Variants in ZNF567 observed in about 807,000 individuals in gnomAD.
ZNF567 encodes the protein zinc finger protein 567.
Under a neutral mutation model 53.9 loss-of-function variants are expected in ZNF567, and 36 were observed. That is an observed-to-expected ratio of 0.67 (90% CI 0.51 to 0.88). ZNF567 has a LOEUF of 0.88. Ranked by LOEUF, ZNF567 falls within the 40% of genes least tolerant of loss-of-function variation. ZNF567 has a pLI of 0.00. For missense variants in ZNF567, 619 were observed against 764.7 expected (o/e 0.81, Z 2.25); for synonymous variants, 224 against 260.4 (o/e 0.86, Z 1.35).
chr19:36,712,980 G>C (rs910096799), intron 5 of ZNF567, 113 bp downstream of exon 5: 1 of 832,252 alleles, frequency 1.2e-6, no homozygotes, highest in African/African-American at 1.7e-5. Flanking sequence ...AAAGGCTCTT[G>C]ACCTCTGAAA....
chr19:36,726,943 G>A (rs1260310830), downstream of ZNF567: 1 of 98,218 alleles, frequency 1.0e-5, no homozygotes, highest in East Asian at 3.9e-4. Flanking sequence ...TGAGTGGAGT[G>A]GCATCAGGTG....
At chr19:36,697,894 A>G (rs1472690249) in intron 3 of ZNF567, among the ~76,000 whole-genome samples, 1 of 148,554 alleles carries the variant, frequency 6.7e-6, no homozygotes, top group Non-Finnish European at 1.5e-5. Flanking sequence ...TACAGGTGTG[A>G]GCCACCATGT....
chr19:36,700,908 T>G (rs1452918668), intron 3 of ZNF567, among the ~76,000 whole-genome samples: 13 of 152,096 alleles, frequency 8.5e-5, no homozygotes, highest in Middle Eastern at 3.4e-3. Flanking sequence ...AGGGTTTTTT[T>G]TGTCTCTATT....
downstream of ZNF567, among the ~76,000 whole-genome samples, chr19:36,721,650 A>C (rs148961828): frequency 2.0e-3 from 304 of 152,142 alleles, no homozygotes; most frequent in African/African-American, 6.9e-3. Flanking sequence ...CACCTTATTT[A>C]ATATCAAGGA....
At chr19:36,698,323 ATTG>A (rs1303807150) in intron 3 of ZNF567, among the ~76,000 whole-genome samples, 1 of 151,660 alleles carries the variant, frequency 6.6e-6, no homozygotes, top group Non-Finnish European at 1.5e-5. Flanking sequence ...CCAGTCTATC[ATTG>A]TTGGACATTT....
chr19:36,682,614 T>G (rs1485965825), upstream of ZNF567, among the ~76,000 whole-genome samples: 84 of 140,782 alleles, frequency 6.0e-4, no homozygotes, highest in African/African-American at 2.2e-3. Context: ...ATTATTATTA[T>G]TTTTTTTTTT....
chr19:36,697,590 G>A (rs954050248), intron 3 of ZNF567, among the ~76,000 whole-genome samples: 1 of 151,336 alleles, frequency 6.6e-6, no homozygotes, highest in Non-Finnish European at 1.5e-5. Flanking sequence ...TTTGATATTA[G>A]CTATAGGATT....
intron 3 of ZNF567, among the ~76,000 whole-genome samples, chr19:36,708,767 C>T (rs2039626859): frequency 6.6e-6 from 1 of 152,162 alleles, no homozygotes; most frequent in Admixed American, 6.5e-5. Flanking sequence ...TCATTCACTT[C>T]GTAATATGCA....
chr19:36,702,864 G>A (rs2039279770), intron 3 of ZNF567, among the ~76,000 whole-genome samples: 1 of 152,060 alleles, frequency 6.6e-6, no homozygotes, highest in South Asian at 2.1e-4. Flanking sequence ...TTTGCCTTTG[G>A]TTTGAATTTC....
At chr19:36,706,603 AT>A (rs1327925788) in intron 3 of ZNF567, among the ~76,000 whole-genome samples, 4 of 148,820 alleles carry the variant, frequency 2.7e-5, no homozygotes, top group African/African-American at 9.9e-5. Flanking sequence ...CTACACCTGA[AT>A]TTTAGAGGGG....
chr19:36,689,338 TG>T (rs2038473244), intron 1 of ZNF567, 58 bp from the exon 2 acceptor site: 1 of 151,420 alleles, frequency 6.6e-6, no homozygotes, highest in African/African-American at 2.4e-5. Context: ...AAAGGATACA[TG>T]ATTAGTTTCT....
Position 36,719,357 on chromosome 19 carries a change from A to G in ZNF567, c.633A>G (p.Gly211=), listed in dbSNP as rs759591239. ...CGGAAACTCCAGCACAGTCATTTGG[A>G]TATAATGACTGTGAGAAATCATTCC... ...QKTETPAQSF[G]YNDCEKSFLQ... The change falls in exon 6 of 6, where the codon GGA becomes GGG. Residue 211 remains glycine (G), a synonymous_variant. Coordinates refer to ENST00000682579, the MANE Select transcript of ZNF567 (RefSeq NM_001322917.1). 9.9e-6 allele frequency: 16 copies of G among 1,613,810 alleles called. No homozygotes were observed. The highest frequency in any genetic ancestry group is 1.3e-5 in the African/African-American group (1 of 74,924).
chr19:36,698,651 T>C (rs562060645), intron 3 of ZNF567, among the ~76,000 whole-genome samples: 1 of 151,640 alleles, frequency 6.6e-6, no homozygotes, highest in East Asian at 1.9e-4. Flanking sequence ...ATTGTGGTTT[T>C]GATTTGCATT....
In ZNF567 at chr19:36,720,698, C is replaced by T; in HGVS notation, c.*30C>T. The T allele has an allele frequency of 1.3e-6, 2 of 1,498,382 alleles. No individual in the cohort carries two copies. The highest frequency in any genetic ancestry group is 8.9e-7 in the Non-Finnish European group (1 of 1,125,814). The allele number at this position is 1,498,382 out of a possible 1,614,324, so 92.8% of individuals were successfully genotyped here. On this transcript the variant is annotated 3_prime_UTR_variant, in exon 6 of 6. Coordinates refer to ENST00000682579, the MANE Select transcript of ZNF567 (RefSeq NM_001322917.1). ...TGTGGTTTCTTATATGAATTCTTTA[C>T]AAGCTGTTGTAAACATTTAGTTTTA...
At chr19:36,712,981 A>G in intron 5 of ZNF567, 114 bp downstream of exon 5, 1 of 772,822 alleles carries the variant, frequency 1.3e-6, no homozygotes, top group Non-Finnish European at 2.0e-6. Context: ...AAGGCTCTTG[A>G]CCTCTGAAAA....
At chr19:36,691,598 C>T (rs552336458) in intron 2 of ZNF567, among the ~76,000 whole-genome samples, 77 of 152,200 alleles carry the variant, frequency 5.1e-4, no homozygotes, top group Non-Finnish European at 1.0e-3. Context: ...CTCATGTCAC[C>T]ACCATCACCC....
Position 36,719,647 on chromosome 19 carries a change from C to G in ZNF567, c.923C>G (p.Pro308Arg), listed in dbSNP as rs781418271. Reference sequence around the variant, plus strand: ...CAGAGAACTCACACAGGAGAGAAACCCTTTGTTTGCAATGAATGTGGTAAG... The same window carrying G: ...CAGAGAACTCACACAGGAGAGAAACGCTTTGTTTGCAATGAATGTGGTAAG... ...DHQRTHTGEK[P>R]FVCNECGKSF... The change falls in exon 6 of 6, where the codon CCC becomes CGC. Residue 308 changes from proline to arginine, a missense_variant. Physicochemically the swap from Pro to Arg is moderately radical, Grantham distance 103 (BLOSUM62 -2). Transcript: ENST00000682579. 6 of 1,613,940 alleles carry G rather than the reference C, an allele frequency of 3.7e-6. No homozygotes were observed. The highest frequency in any genetic ancestry group is 4.2e-6 in the Non-Finnish European group (5 of 1,179,882).
the ZNF567 span, among the ~76,000 whole-genome samples, chr19:36,682,357 A>G: frequency 2.6e-5 from 4 of 151,684 alleles, no homozygotes; most frequent in East Asian, 5.8e-4. Context: ...TGTTATCTAT[A>G]TGTATCTATA....
At chr19:36,713,259 A>G (rs2039878834) in intron 5 of ZNF567, among the ~76,000 whole-genome samples, 1 of 152,086 alleles carries the variant, frequency 6.6e-6, no homozygotes, top group Non-Finnish European at 1.5e-5. Flanking sequence ...GTTTGCAACC[A>G]GCCTGAGAAT....
Sources: allele counts gnomAD v4.1 joint callset (sites outside exome capture counted in the v4.1 genomes callset), GRCh38; gene constraint gnomAD v4.1.1; transcripts MANE v1.5; gene names NCBI Gene and HGNC (gene_info 2026-07-23, HGNC 2026-07-21).